The following XPO7 variants were observed in gnomAD, a reference collection of about 807,000 sequenced individuals.
XPO7 encodes the protein exportin 7, also known as exportin-7.
In XPO7, 21 loss-of-function variants were observed where a neutral mutation model predicts 144.3. The ratio of observed to expected loss-of-function variants is 0.15; its 90% CI spans 0.10 to 0.21. The LOEUF is 0.21. XPO7 is among the 10% of genes least tolerant of loss of function. XPO7 has a pLI of 1.00. For missense variants in XPO7, 808 were observed against 1,325.8 expected (o/e 0.61, Z 6.06); for synonymous variants, 580 against 499.6 (o/e 1.16, Z -2.15).
intron 14 of XPO7, 40 bp from the exon 15 acceptor site, chr8:21,987,744 T>C: frequency 1.2e-6 from 2 of 1,607,118 alleles, no homozygotes; most frequent in Non-Finnish European, 8.5e-7. Context: ...GTGATTGTTG[T>C]AATTCATGTG....
At chr8:21,970,369 A>AACAC (rs140784168) in intron 4 of XPO7, 59 bp downstream of exon 4, 323,357 of 1,126,756 alleles carry the variant, frequency 0.29, 27,317 homozygotes, top group East Asian at 0.31. Flanking sequence ...CATATATATA[A>AACAC]ACACACACAC....
chr8:21,980,407 G>A (rs1812365679), intron 9 of XPO7, among the ~76,000 whole-genome samples: 1 of 152,150 alleles, frequency 6.6e-6, no homozygotes, highest in Non-Finnish European at 1.5e-5. Context: ...AAATGTAGGA[G>A]TTACAGGAAA....
At chr8:21,942,687 T>G (rs1811033009) in intron 1 of XPO7, among the ~76,000 whole-genome samples, 1 of 152,206 alleles carries the variant, frequency 6.6e-6, no homozygotes, top group Non-Finnish European at 1.5e-5. Flanking sequence ...TTGTAAAGGT[T>G]AATTGCAGTG....
At chr8:21,980,774 C>CAAAAA (rs892152378) in intron 9 of XPO7, among the ~76,000 whole-genome samples, 1 of 85,480 alleles carries the variant, frequency 1.2e-5, no homozygotes, top group Non-Finnish European at 2.5e-5. Context: ...GACTCCGTCT[C>CAAAAA]AAAAAAAAAA....
chr8:21,937,674 C>T (rs967014821), intron 1 of XPO7, among the ~76,000 whole-genome samples: 9 of 152,082 alleles, frequency 5.9e-5, no homozygotes, highest in African/African-American at 2.2e-4. Flanking sequence ...TTATTGGTAA[C>T]CCTGTTTAAT....
At chr8:21,934,695 A>C (rs531224661) in intron 1 of XPO7, among the ~76,000 whole-genome samples, 1 of 152,346 alleles carries the variant, frequency 6.6e-6, no homozygotes, top group East Asian at 1.9e-4. Context: ...AGACATCCCA[A>C]CTGAAGCTTG....
At chr8:21,964,920 C>G (rs1398838168) in intron 1 of XPO7, among the ~76,000 whole-genome samples, 1 of 152,170 alleles carries the variant, frequency 6.6e-6, no homozygotes, top group Non-Finnish European at 1.5e-5. Flanking sequence ...ACTGATTGAT[C>G]AGACTTTAAG....
chr8:21,975,085 T>TTA (rs1812183650), intron 6 of XPO7, among the ~76,000 whole-genome samples: 1 of 152,198 alleles, frequency 6.6e-6, no homozygotes, highest in Non-Finnish European at 1.5e-5. Context: ...AGTTGTGTTG[T>TTA]TATTGTTTTT....
chr8:21,922,807 C>T (rs1242656961), intron 1 of XPO7, among the ~76,000 whole-genome samples: 2 of 152,134 alleles, frequency 1.3e-5, no homozygotes, highest in African/African-American at 2.4e-5. Flanking sequence ...GCTGGAATTA[C>T]TACGTTGTTG....
chr8:21,965,102 G>T (rs943201845), intron 1 of XPO7, among the ~76,000 whole-genome samples: 1 of 150,594 alleles, frequency 6.6e-6, no homozygotes, highest in African/African-American at 2.4e-5. Context: ...TCTTTCTCTT[G>T]ATGTCTTTCT....
At chr8:21,983,759 G>GC (rs1476313939) in intron 11 of XPO7, among the ~76,000 whole-genome samples, 2 of 152,114 alleles carry the variant, frequency 1.3e-5, no homozygotes, top group African/African-American at 4.8e-5. Context: ...ATAATAATAG[G>GC]CCTGCCTCAT....
chr8:21,980,400 T>G (rs763943333), intron 9 of XPO7, among the ~76,000 whole-genome samples, 197 bp downstream of exon 9: 1 of 152,162 alleles, frequency 6.6e-6, no homozygotes, highest in East Asian at 1.9e-4. Context: ...GCTTCAGAAA[T>G]GTAGGAGTTA....
rs756397172 is a variant in XPO7 at position 21,982,784 on chromosome 8, C to T, written c.1249C>T (p.Arg417Trp). 11 of 1,612,186 alleles carry T rather than the reference C, an allele frequency of 6.8e-6. No homozygotes were observed. Among genetic ancestry groups the T allele is most frequent in the African/African-American group, 2.7e-5 (2 of 74,822 alleles). ...GGTCACCAAAGCCTACATCACATCC[C>T]GGTTGGAATCTGTGCACATCATACT... ...PEVTKAYITS[R>W]LESVHIILRD... Residue 417 changes from arginine (R) to tryptophan (W), a missense_variant, in exon 11 of 28, where the codon CGG becomes TGG. Coordinates refer to ENST00000252512, the MANE Select transcript of XPO7 (RefSeq NM_015024.5).
chr8:22,003,351 A>G, intron 26 of XPO7, 34 bp downstream of exon 26: 2 of 1,551,230 alleles, frequency 1.3e-6, no homozygotes, highest in Non-Finnish European at 1.8e-6. Flanking sequence ...CCAACCCAGA[A>G]GCAGTGGCAA....
intron 16 of XPO7, 136 bp downstream of exon 16, chr8:21,989,219 A>C: frequency 1.2e-6 from 1 of 819,298 alleles, no homozygotes. Flanking sequence ...CTAGGAGTCC[A>C]AAAAAACGCC....
chr8:21,974,858 A>C, intron 6 of XPO7, 84 bp downstream of exon 6: 1 of 1,112,072 alleles, frequency 9.0e-7, no homozygotes, highest in Admixed American at 2.4e-5. Flanking sequence ...TCAGCTTTTA[A>C]CTGATCCCAC....
chr8:21,998,719 CCT>C (rs1332589658), intron 21 of XPO7, 34 bp from the exon 22 acceptor site: 2 of 1,595,996 alleles, frequency 1.3e-6, no homozygotes, highest in East Asian at 2.2e-5. Flanking sequence ...CAAGAAAACA[CCT>C]CTGACTTTTT....
At chr8:21,987,990 G>T in intron 15 of XPO7, 133 bp downstream of exon 15, 2 of 955,352 alleles carry the variant, frequency 2.1e-6, no homozygotes, top group Non-Finnish European at 3.1e-6. Context: ...TTGTGCATTT[G>T]AGTGTGTGAC....
intron 1 of XPO7, chr8:21,966,291 A>C (rs780621942): frequency 1.3e-6 from 1 of 780,690 alleles, no homozygotes; most frequent in South Asian, 1.3e-5. Flanking sequence ...TGAACTTTAG[A>C]CATGAGGGAT....
Sources: gnomAD v4.1 joint callset for allele counts (sites outside exome capture counted in the v4.1 genomes callset) on GRCh38, gnomAD v4.1.1 for gene constraint, MANE v1.5 for transcripts, NCBI Gene and HGNC (gene_info 2026-07-23, HGNC 2026-07-21) for gene names.